The following IQUB variants were observed in gnomAD, a reference collection of about 807,000 sequenced individuals.
IQUB encodes IQ motif and ubiquitin-like domain-containing protein.
In IQUB, 86 loss-of-function variants were observed where a neutral mutation model predicts 86.4. The ratio of observed to expected loss-of-function variants is 1.00; its 90% CI spans 0.84 to 1.19. The LOEUF is 1.19. Ranked by LOEUF, IQUB falls within the 50% of genes most tolerant of loss-of-function variation. IQUB has a pLI of 0.00. For synonymous variants in IQUB, 289 were observed against 304.5 expected (o/e 0.95, Z 0.53); for missense variants, 946 against 916.9 (o/e 1.03, Z -0.41).
Position 123,496,730 on chromosome 7 carries a change from A to G in IQUB, c.1200T>C (p.Asn400=). Residue 400 remains asparagine, a synonymous_variant, in exon 7 of 13, where the codon AAT becomes AAC. Transcript: ENST00000324698. ...CATTATAAAGAAATTCAAAATCTTC[A>G]TTTGTTTTAGGATTATGCCTCCGGT... is the stretch of plus-strand genomic sequence containing the variant. ...DYHRRHNPKT[N]EDFEFLYNAL... 1.9e-6 allele frequency: 3 copies of G among 1,607,380 alleles called. No homozygotes were observed. Among genetic ancestry groups the G allele is most frequent in the Non-Finnish European group, 1.7e-6 (2 of 1,176,770 alleles).
Position 123,502,751 on chromosome 7 carries a change from G to C in IQUB, c.869C>G (p.Thr290Arg). Residue 290 changes from threonine (T) to arginine (R), a missense_variant and splice_region_variant, in exon 6 of 13, where the codon ACA becomes AGA. Transcript: ENST00000324698. ...RLSIFCRDTQ[T>R]VFQKKNLQQT... is the part of the protein sequence containing the mutation. ...TTGGAGATTTTTTTTCTGAAAAACT[G>C]TCTAAAAGAAAACATTAAAAATTTA... 6.3e-7 allele frequency: 1 copy of C among 1,589,206 alleles called. No individual in the cohort carries two copies. Among genetic ancestry groups the C allele is most frequent in the Non-Finnish European group, 8.6e-7 (1 of 1,167,942 alleles).
intron 10 of IQUB, among the ~76,000 whole-genome samples, chr7:123,462,178 T>C (rs1243180995): frequency 4.0e-5 from 6 of 151,800 alleles, no homozygotes; most frequent in Non-Finnish European, 5.9e-5. Context: ...AATGAGTGAA[T>C]TGTGAACATT....
chr7:123,520,389 T>C (rs1171261794), intron 1 of IQUB, among the ~76,000 whole-genome samples: 1 of 151,976 alleles, frequency 6.6e-6, no homozygotes, highest in African/African-American at 2.4e-5. Context: ...GCTAGCAAAA[T>C]AATAAAGCAA....
chr7:123,471,935 A>G (rs1344314540), intron 8 of IQUB, among the ~76,000 whole-genome samples: 3 of 152,172 alleles, frequency 2.0e-5, no homozygotes, highest in African/African-American at 7.2e-5. Context: ...CTCCCAAAAG[A>G]GTATGAGAAA....
At chr7:123,526,740 T>G (rs866119516) in intron 1 of IQUB, among the ~76,000 whole-genome samples, 2 of 151,802 alleles carry the variant, frequency 1.3e-5, no homozygotes, top group African/African-American at 2.4e-5. Context: ...ATCCTGTCAT[T>G]ATGATGTTAG....
intron 12 of IQUB, among the ~76,000 whole-genome samples, chr7:123,453,795 A>C (rs1793562959): frequency 6.6e-6 from 1 of 152,138 alleles, no homozygotes; most frequent in South Asian, 2.1e-4. Flanking sequence ...CCTAAATGCA[A>C]CTGAGACAAC....
At chr7:123,507,885 A>T (rs1796253183) in intron 3 of IQUB, among the ~76,000 whole-genome samples, 1 of 151,746 alleles carries the variant, frequency 6.6e-6, no homozygotes, top group Admixed American at 6.6e-5. Context: ...AAAAAAAAAA[A>T]TTAACATGAA....
At chr7:123,524,637 C>T (rs1346498124) in intron 1 of IQUB, among the ~76,000 whole-genome samples, 2 of 151,170 alleles carry the variant, frequency 1.3e-5, no homozygotes, top group Admixed American at 6.6e-5. Flanking sequence ...ACAATCATGT[C>T]GTCTGCAAAC....
At position 123,486,227 on chromosome 7, in the gene IQUB, C is replaced by T. The variant is rs141156369; in HGVS notation, c.1235-6257G>A. ...AGGAAAAATTCAGATATAGACTAGC[C>T]GTGAACATACAGAAATATGTACCCA... On this transcript the variant is annotated intron_variant, in intron 7 of 12. Transcript: ENST00000324698. Among the ~76,000 whole-genome samples the T allele has an allele frequency of 5.8e-4, 89 of 152,286 alleles. 1 individual carries two copies. Among genetic ancestry groups the T allele is most frequent in the African/African-American group, 1.9e-3 (78 of 41,574 alleles).
intron 12 of IQUB, among the ~76,000 whole-genome samples, chr7:123,454,235 A>G (rs1793583035): frequency 1.3e-5 from 2 of 152,142 alleles, no homozygotes; most frequent in South Asian, 2.1e-4. Flanking sequence ...TTATTATGCT[A>G]TATTAACTTA....
rs1435490503 is a variant in IQUB, at chr7:123,457,510, A to C, written c.2064T>G (p.Ser688Arg). 3.7e-6 allele frequency: 6 copies of C among 1,611,118 alleles called. No individual in the cohort carries two copies. Among genetic ancestry groups the C allele is most frequent in the Non-Finnish European group, 5.1e-6 (6 of 1,178,876 alleles). The change falls in exon 12 of 13, where the codon AGT (serine) becomes AGG (arginine). Residue 688 changes from serine (S) to arginine (R), a missense_variant. Coordinates refer to ENST00000324698, the MANE Select transcript of IQUB (RefSeq NM_178827.5). ...ENIWASQSVL[S>R]ACDNLSDLVM... ...CCAGATCACTGAGATTGTCGCAAGC[A>C]CTGAGGACTGACTGGGACGCCCAGA...
chr7:123,483,163 C>T lies in IQUB; in HGVS notation c.1235-3193G>A, dbSNP rs1343609654. Reference sequence around the variant, plus strand: ...CTTGCACTTCCACAAGCAGGATGCTCGTGGATTCCTCCCCATAGACAGTAG... The same window carrying T: ...CTTGCACTTCCACAAGCAGGATGCTTGTGGATTCCTCCCCATAGACAGTAG... On this transcript the variant is annotated intron_variant, in intron 7 of 12. Coordinates refer to ENST00000324698, the MANE Select transcript of IQUB (RefSeq NM_178827.5). 4.6e-5 allele frequency among the ~76,000 whole-genome samples: 7 copies of T among 152,176 alleles called. No homozygotes were observed. In the South Asian group the frequency reaches 1.0e-3, roughly 23 times the overall value.
chr7:123,484,676 G>C (rs1470457026), intron 7 of IQUB, among the ~76,000 whole-genome samples: 2 of 151,884 alleles, frequency 1.3e-5, no homozygotes, highest in Admixed American at 1.3e-4. Flanking sequence ...AAATATTTAA[G>C]TCTTGGATGA....
At chr7:123,523,617 G>A (rs1797021063) in intron 1 of IQUB, among the ~76,000 whole-genome samples, 2 of 151,482 alleles carry the variant, frequency 1.3e-5, no homozygotes, top group Admixed American at 6.6e-5. Flanking sequence ...TTTGTCAGAT[G>A]AGTAGGTTGC....
At chr7:123,457,222 A>C in intron 12 of IQUB, 159 bp downstream of exon 12, 5 of 971,378 alleles carry the variant, frequency 5.1e-6, no homozygotes, top group Non-Finnish European at 6.1e-6. Context: ...AATCTGTGCC[A>C]TATATGCCAT....
chr7:123,518,534 A>G (rs1796755601), intron 1 of IQUB, among the ~76,000 whole-genome samples: 1 of 151,952 alleles, frequency 6.6e-6, no homozygotes, highest in South Asian at 2.1e-4. Context: ...ACCTTTTACC[A>G]TATCTAGGGC....
chr7:123,527,656 G>A lies in IQUB; in HGVS notation c.-5+6836C>T, dbSNP rs556020032. ...GTCAGGGGCCAGGGACCCACTTGAG[G>A]AGGCAGTCTGCCCGTTCTCAGATCT... is the stretch of plus-strand genomic sequence containing the variant. On this transcript the variant is annotated intron_variant, in intron 1 of 12. Coordinates refer to ENST00000324698, the MANE Select transcript of IQUB (RefSeq NM_178827.5). Among the ~76,000 whole-genome samples the A allele has an allele frequency of 1.9e-3, 293 of 152,308 alleles. 1 individual carries two copies. Among genetic ancestry groups the A allele is most frequent in the Middle Eastern group, 0.01 (3 of 292 alleles).
At chr7:123,502,443 T>C in intron 6 of IQUB, 154 bp downstream of exon 6, 1 of 634,120 alleles carries the variant, frequency 1.6e-6, no homozygotes, top group East Asian at 2.8e-5. Flanking sequence ...GGGGGAATAC[T>C]GGAGATAAAG....
intron 1 of IQUB, among the ~76,000 whole-genome samples, chr7:123,529,257 T>C (rs1049084884): frequency 3.9e-5 from 6 of 152,046 alleles, no homozygotes; most frequent in African/African-American, 1.4e-4. Flanking sequence ...TTTAAATTTG[T>C]TTATGATCAT....
Sources: allele counts gnomAD v4.1 joint callset (sites outside exome capture counted in the v4.1 genomes callset), GRCh38; gene constraint gnomAD v4.1.1; transcripts MANE v1.5; gene names NCBI Gene and HGNC (gene_info 2026-07-23, HGNC 2026-07-21).